Variants in MVB12B observed in about 807,000 individuals in gnomAD.
MVB12B encodes ESCRT-I complex subunit MVB12B.
A neutral mutation model predicts 41.6 loss-of-function variants in MVB12B; 16 were observed. The ratio of observed to expected loss-of-function variants is 0.38; its 90% CI spans 0.26 to 0.58. The LOEUF (loss-of-function observed/expected upper bound fraction) is 0.58. Ranked by LOEUF, MVB12B falls within the 20% of genes least tolerant of loss-of-function variation. The probability of loss-of-function intolerance (pLI) is 0.62; values close to 1 mark genes in which losing one functional copy is unlikely to be tolerated. For missense variants in MVB12B, 274 were observed against 380.2 expected, an observed-to-expected ratio of 0.72 and a Z score of 2.32; for synonymous variants, 133 against 139.7, an observed-to-expected ratio of 0.95 and a Z score of 0.34.
intron 7 of MVB12B, among the ~76,000 whole-genome samples, chr9:126,443,311 A>T (rs1246388961): frequency 6.6e-6 from 1 of 152,194 alleles, no homozygotes; most frequent in Middle Eastern, 3.4e-3. Context: ...TCCACCAATC[A>T]TTGAGGGCCA....
intron 7 of MVB12B, among the ~76,000 whole-genome samples, chr9:126,422,458 C>G (rs1402063311): frequency 6.6e-6 from 1 of 152,208 alleles, no homozygotes; most frequent in Non-Finnish European, 1.5e-5. Context: ...TTGGCAGGAA[C>G]TTCATCAGTC....
intron 6 of MVB12B, among the ~76,000 whole-genome samples, chr9:126,419,468 G>A (rs1831933567): frequency 6.6e-6 from 1 of 152,216 alleles, no homozygotes; most frequent in Non-Finnish European, 1.5e-5. Flanking sequence ...CGCATATTGT[G>A]TAGCTGCTCC....
intron 6 of MVB12B, among the ~76,000 whole-genome samples, chr9:126,417,294 A>G (rs1043119465): frequency 2.0e-5 from 3 of 152,216 alleles, no homozygotes; most frequent in South Asian, 2.1e-4. Context: ...TTCTGCAGAA[A>G]ATACAGTCAG....
intron 2 of MVB12B, among the ~76,000 whole-genome samples, chr9:126,379,293 T>C (rs1202003002): frequency 6.6e-6 from 1 of 152,180 alleles, no homozygotes; most frequent in East Asian, 1.9e-4. Context: ...GAAGGGGTGT[T>C]CCCCAAATGA....
At chr9:126,360,005 G>A (rs1361978213) in intron 2 of MVB12B, among the ~76,000 whole-genome samples, 1 of 152,056 alleles carries the variant, frequency 6.6e-6, no homozygotes, top group Admixed American at 6.6e-5. Flanking sequence ...TGTTTAAGGT[G>A]GAAGTTTTGG....
intron 9 of MVB12B, among the ~76,000 whole-genome samples, chr9:126,501,201 A>G (rs1833948278): frequency 6.6e-6 from 1 of 152,226 alleles, no homozygotes; most frequent in Admixed American, 6.5e-5. Context: ...CTGGCGCTGC[A>G]TGGTGGGTTC....
In MVB12B at chr9:126,395,958, TC is replaced by T. The variant is rs1380003761; in HGVS notation, c.662+264del. On this transcript the variant is annotated intron_variant, in intron 6 of 9. Coordinates refer to ENST00000361171, the MANE Select transcript of MVB12B (RefSeq NM_033446.3). This position sits in a 1 kb window ranked among gnomAD's most constrained non-coding sequence, Gnocchi z 4.9. ...GCAGATTATGCAACTTAAAATTGGC[TC>T]CCTATTCAAAAGAGCTGCTAGCTAC... The T allele has an allele frequency of 7.8e-7, 1 of 1,284,620 alleles. No homozygotes were observed. The highest frequency in any genetic ancestry group is 1.5e-5 in the African/African-American group (1 of 66,576). 79.6% of individuals were successfully genotyped at this position (1,284,620 alleles called of 1,614,324 possible). A position where few individuals can be genotyped will look rare whatever the true frequency, so the allele number is the denominator to read the frequency against.
Position 126,503,716 on chromosome 9 carries a change from A to T in MVB12B, c.*453A>T, listed in dbSNP as rs1453123401. The T allele has an allele frequency of 5.4e-6, 1 of 183,796 alleles. No homozygotes were observed. The highest frequency in any genetic ancestry group is 1.1e-5 in the Non-Finnish European group (1 of 88,694). 11.4% of individuals were successfully genotyped at this position (183,796 alleles called of 1,614,324 possible). A position where few individuals can be genotyped will look rare whatever the true frequency, so the allele number is the denominator to read the frequency against. ...CTGAGGGCCGGCAGCTTTGCCTAGG[A>T]CTCTCCAGGGTCGCTGATCCTCCCC... On this transcript the variant is annotated 3_prime_UTR_variant, in exon 10 of 10. Coordinates refer to ENST00000361171, the MANE Select transcript of MVB12B (RefSeq NM_033446.3).
At chr9:126,385,005 A>G (rs1428860243) in intron 3 of MVB12B, among the ~76,000 whole-genome samples, 3 of 150,970 alleles carry the variant, frequency 2.0e-5, no homozygotes, top group Non-Finnish European at 3.0e-5. Context: ...CACCCAGCCA[A>G]TTTTTTTAAT....
chr9:126,456,029 C>T (rs1832976505), intron 7 of MVB12B, among the ~76,000 whole-genome samples: 2 of 151,164 alleles, frequency 1.3e-5, no homozygotes, highest in South Asian at 4.2e-4. Context: ...TAGCTGGGAT[C>T]ACAGGTACCC....
At chr9:126,328,473 G>A (rs898687287) in intron 1 of MVB12B, among the ~76,000 whole-genome samples, 2 of 152,290 alleles carry the variant, frequency 1.3e-5, no homozygotes, top group South Asian at 2.1e-4. Context: ...CCATGGTTAT[G>A]TGCAGGGAGT....
chr9:126,356,480 T>C (rs528466000), intron 2 of MVB12B, among the ~76,000 whole-genome samples: 1 of 152,256 alleles, frequency 6.6e-6, no homozygotes, highest in African/African-American at 2.4e-5. Flanking sequence ...ACTGCATATA[T>C]TTAGAGTGTA....
chr9:126,369,334 T>C (rs1273764596), intron 2 of MVB12B, among the ~76,000 whole-genome samples: 8 of 152,248 alleles, frequency 5.3e-5, no homozygotes. Flanking sequence ...TAAAAAGTTA[T>C]GTTACAAAAT....
chr9:126,417,893 G>T (rs769564874), intron 6 of MVB12B, among the ~76,000 whole-genome samples: 1 of 152,194 alleles, frequency 6.6e-6, no homozygotes, highest in Admixed American at 6.5e-5. Flanking sequence ...GGAGTTTGGA[G>T]AGTCGGTAAG....
chr9:126,381,898 G>A (rs1006409466), intron 3 of MVB12B, among the ~76,000 whole-genome samples: 16 of 151,870 alleles, frequency 1.1e-4, no homozygotes, highest in African/African-American at 3.4e-4. Context: ...TGAAGAAACC[G>A]AGATCCAAGA....
At chr9:126,337,082 C>A (rs1829305667) in intron 1 of MVB12B, among the ~76,000 whole-genome samples, 1 of 152,192 alleles carries the variant, frequency 6.6e-6, no homozygotes, top group Admixed American at 6.5e-5. Context: ...TCTTGTCATC[C>A]AAAACACTGG....
chr9:126,426,343 G>A (rs976966397), intron 7 of MVB12B, among the ~76,000 whole-genome samples: 1 of 152,150 alleles, frequency 6.6e-6, no homozygotes, highest in Non-Finnish European at 1.5e-5. Flanking sequence ...TCCTGGTGCT[G>A]GTCTTACTGG....
intron 7 of MVB12B, among the ~76,000 whole-genome samples, chr9:126,435,409 G>A (rs566499065): frequency 6.6e-6 from 1 of 152,262 alleles, no homozygotes; most frequent in East Asian, 1.9e-4. Flanking sequence ...TTCTAGTTCA[G>A]AAATGTGTAA....
chr9:126,342,255 G>C (rs2118828684), intron 2 of MVB12B, among the ~76,000 whole-genome samples: 1 of 152,272 alleles, frequency 6.6e-6, no homozygotes, highest in Non-Finnish European at 1.5e-5. Context: ...TCCTAGGAGG[G>C]CTCTCAGGGA....
Sources: allele counts gnomAD v4.1 joint callset (sites outside exome capture counted in the v4.1 genomes callset), GRCh38; gene constraint gnomAD v4.1.1; non-coding constraint Gnocchi (gnomAD v3.1); transcripts MANE v1.5; gene names NCBI Gene and HGNC (gene_info 2026-07-23, HGNC 2026-07-21).